Variants in ZFHX3 observed in about 807,000 individuals in gnomAD.
ZFHX3 encodes the protein zinc finger homeobox protein 3.
A neutral mutation model predicts 279.1 loss-of-function variants in ZFHX3; 42 were observed. The observed-to-expected ratio is 0.15, with a 90% confidence interval of 0.12 to 0.19. The LOEUF is 0.19. Among genes scored for constraint, ZFHX3 ranks in the 10% least tolerant of loss-of-function variants. The pLI is 1.00. For synonymous variants in ZFHX3, 2,293 were observed against 1,957.8 expected (o/e 1.17, Z -4.52); for missense variants, 4,981 against 4,754.0 (o/e 1.05, Z -1.40).
At chr16:73,747,194 G>T (rs2053712381) in intron 1 of ZFHX3, among the ~76,000 whole-genome samples, 1 of 152,050 alleles carries the variant, frequency 6.6e-6, no homozygotes, top group African/African-American at 2.4e-5. Context: ...TTCAAGACCA[G>T]CCTGGACAAC....
chr16:72,858,468 AAGAG>A (rs1266787444), intron 4 of ZFHX3, among the ~76,000 whole-genome samples: 1 of 152,218 alleles, frequency 6.6e-6, no homozygotes, highest in African/African-American at 2.4e-5. Flanking sequence ...GGTGAAAATA[AAGAG>A]AGAGTCGACT....
chr16:73,142,355 C>T (rs1188135169), intron 6 of ZFHX3, among the ~76,000 whole-genome samples: 10 of 152,128 alleles, frequency 6.6e-5, no homozygotes, highest in Non-Finnish European at 8.8e-5. Context: ...TCAGGGCTGT[C>T]GGATCACATT....
chr16:73,168,194 C>T (rs149926349), intron 5 of ZFHX3, among the ~76,000 whole-genome samples: 2,837 of 142,180 alleles, frequency 0.02, 42 homozygotes, highest in Middle Eastern at 0.04. Flanking sequence ...AGCCTTTTAA[C>T]ACTATAGTTT....
intron 2 of ZFHX3, among the ~76,000 whole-genome samples, chr16:73,674,759 G>A (rs1464374607): frequency 6.6e-6 from 1 of 152,108 alleles, no homozygotes; most frequent in African/African-American, 2.4e-5. Context: ...GCCCTATCTT[G>A]CTGCTTTAGA....
chr16:73,685,251 C>T (rs550122463), intron 1 of ZFHX3, among the ~76,000 whole-genome samples: 28 of 152,062 alleles, frequency 1.8e-4, no homozygotes, highest in African/African-American at 6.0e-4. Context: ...CTCCTGACCT[C>T]GTGATCCGCC....
chr16:73,785,747 T>C (rs531951632), intron 1 of ZFHX3, among the ~76,000 whole-genome samples: 32 of 152,342 alleles, frequency 2.1e-4, no homozygotes, highest in East Asian at 3.9e-4. Flanking sequence ...AGAGCTTCTA[T>C]TGGGAAAGCT....
At chr16:73,811,800 C>G (rs1960434663) in intron 1 of ZFHX3, among the ~76,000 whole-genome samples, 1 of 152,126 alleles carries the variant, frequency 6.6e-6, no homozygotes, top group Admixed American at 6.5e-5. Context: ...TTTGTTCTCT[C>G]TGTTGTGATG....
intron 5 of ZFHX3, among the ~76,000 whole-genome samples, chr16:73,174,614 C>T (rs1567410025): frequency 6.6e-6 from 1 of 152,092 alleles, no homozygotes; most frequent in Non-Finnish European, 1.5e-5. Flanking sequence ...CTGGCCCAGT[C>T]ACATCTCCTC....
chr16:72,840,798 T>C (rs557830913), intron 4 of ZFHX3, among the ~76,000 whole-genome samples: 1 of 152,360 alleles, frequency 6.6e-6, no homozygotes, highest in East Asian at 1.9e-4. Context: ...CAATGAGCTT[T>C]GTTTTGCATG....
intron 3 of ZFHX3, among the ~76,000 whole-genome samples, chr16:72,907,495 T>A (rs2039206116): frequency 6.6e-6 from 1 of 151,186 alleles, no homozygotes; most frequent in African/African-American, 2.4e-5. Flanking sequence ...ACCACCCCTG[T>A]CTCCAGCCAG....
intron 5 of ZFHX3, among the ~76,000 whole-genome samples, chr16:73,195,836 C>T (rs1159277035): frequency 6.6e-6 from 1 of 152,136 alleles, no homozygotes; most frequent in Non-Finnish European, 1.5e-5. Context: ...AGGGGCCTGA[C>T]TGAACAGGTG....
rs1249092152 is a variant in ZFHX3 at position 73,496,413 on chromosome 16, C to A, written c.-1546-40155G>T. The stretch of plus-strand genomic sequence containing the variant: ...AGGCATGGTGGTGCGTGCCTGTAAT[C>A]TCAGCTACTCTGGAGGCTGGGGCAG... On this transcript the variant is annotated intron_variant, in intron 2 of 17. Coordinates refer to the ZFHX3 transcript ENST00000641206. Among the ~76,000 whole-genome samples the A allele has an allele frequency of 3.9e-5, 6 of 152,192 alleles. No homozygotes were observed. The East Asian group carries it at 1.2e-3, about 29-fold the overall frequency.
intron 1 of ZFHX3, among the ~76,000 whole-genome samples, chr16:73,843,061 ATTTC>A (rs894719253): frequency 4.6e-5 from 7 of 152,132 alleles, no homozygotes; most frequent in South Asian, 2.1e-4. Context: ...TGTTATTTGG[ATTTC>A]TTTCTTTGTT....
intron 1 of ZFHX3, among the ~76,000 whole-genome samples, chr16:73,057,585 G>C (rs1380513561): frequency 6.6e-6 from 1 of 151,284 alleles, no homozygotes; most frequent in East Asian, 1.9e-4. Flanking sequence ...AAAGAAAAAA[G>C]GCATCCTCGG....
At chr16:73,768,773 A>G (rs1332059460) in intron 1 of ZFHX3, among the ~76,000 whole-genome samples, 1 of 152,168 alleles carries the variant, frequency 6.6e-6, no homozygotes, top group Non-Finnish European at 1.5e-5. Context: ...CTGAGCCTGG[A>G]TTTTATCATC....
intron 2 of ZFHX3, among the ~76,000 whole-genome samples, chr16:73,508,338 T>C (rs951281711): frequency 3.9e-5 from 6 of 151,978 alleles, no homozygotes; most frequent in African/African-American, 1.5e-4. Context: ...TCTTTACTCA[T>C]CTAAAAAGAA....
intron 2 of ZFHX3, among the ~76,000 whole-genome samples, chr16:73,637,295 G>C (rs946640481): frequency 1.4e-5 from 2 of 148,140 alleles, no homozygotes; most frequent in Non-Finnish European, 3.0e-5. Flanking sequence ...ACAACGGGGT[G>C]ATCTTGGCTC....
At chr16:73,411,719 G>C (rs1443100225) in intron 3 of ZFHX3, among the ~76,000 whole-genome samples, 1 of 152,140 alleles carries the variant, frequency 6.6e-6, no homozygotes, top group Non-Finnish European at 1.5e-5. Context: ...GGAATATTTT[G>C]AACCCTGGGT....
chr16:72,897,330 T>A (rs2038923737), intron 3 of ZFHX3, among the ~76,000 whole-genome samples: 1 of 152,190 alleles, frequency 6.6e-6, no homozygotes, highest in South Asian at 2.1e-4. Flanking sequence ...GACCAGTAAG[T>A]CTGCTAATTC....
Sources: gnomAD v4.1 joint callset for allele counts (sites outside exome capture counted in the v4.1 genomes callset) on GRCh38, gnomAD v4.1.1 for gene constraint, MANE v1.5 for transcripts, NCBI Gene and HGNC (gene_info 2026-07-23, HGNC 2026-07-21) for gene names.